ATP6V1B1: variants seen among roughly 807,000 people sequenced by gnomAD.
ATP6V1B1 encodes the protein V-type proton ATPase subunit B, kidney isoform.
In ATP6V1B1, 41 loss-of-function variants were observed where a neutral mutation model predicts 62.1. That is an observed-to-expected ratio of 0.66 (90% CI 0.51 to 0.86). ATP6V1B1 has a LOEUF of 0.86. Ranked by LOEUF, ATP6V1B1 falls within the 40% of genes least tolerant of loss-of-function variation. The pLI, the probability that ATP6V1B1 is intolerant of heterozygous loss-of-function variation, is 0.00. For missense variants in ATP6V1B1, 651 were observed against 697.5 expected (o/e 0.93, Z 0.75); for synonymous variants, 253 against 273.4 (o/e 0.93, Z 0.74).
intron 2 of ATP6V1B1, chr2:70,944,312 T>A: frequency 9.6e-7 from 1 of 1,040,924 alleles, no homozygotes; most frequent in South Asian, 1.4e-5. Context: ...ACTGACAGTA[T>A]CTTGAGTCCT....
intron 1 of ATP6V1B1, 167 bp from the exon 2 acceptor site, chr2:70,943,491 G>A (rs1484646215): frequency 2.2e-5 from 17 of 768,062 alleles, no homozygotes; most frequent in Non-Finnish European, 3.8e-5. Flanking sequence ...GCAGGGGCAT[G>A]ACCCTTACAG....
At chr2:70,941,647 C>G in intron 1 of ATP6V1B1, 2 of 897,432 alleles carry the variant, frequency 2.2e-6, no homozygotes, top group Non-Finnish European at 2.7e-6. Context: ...TTTCATTTGT[C>G]ACTTTCATTT....
At chr2:70,955,645 G>C (rs542137934) in intron 2 of ATP6V1B1, among the ~76,000 whole-genome samples, 1 of 152,126 alleles carries the variant, frequency 6.6e-6, no homozygotes, top group East Asian at 1.9e-4. Flanking sequence ...TCATGTTGCG[G>C]CATCTATCAG....
intron 1 of ATP6V1B1, chr2:70,942,088 G>A: frequency 9.1e-7 from 1 of 1,102,528 alleles, no homozygotes; most frequent in Non-Finnish European, 1.1e-6. Flanking sequence ...GAGAGAGACA[G>A]AGAGAGAGGC....
chr2:70,964,112 GTAT>G (rs1244373448), intron 11 of ATP6V1B1: 2 of 158,356 alleles, frequency 1.3e-5, no homozygotes, highest in African/African-American at 5.4e-5. Context: ...TGCTTGGCAG[GTAT>G]TTTTTTTTTT....
rs782264575 is a variant in ATP6V1B1 at position 70,963,627 on chromosome 2, C to T, written c.1116C>T (p.Tyr372=). 28 of 1,614,172 alleles carry T rather than the reference C, an allele frequency of 1.7e-5. No homozygotes were observed. The East Asian group carries it at 3.8e-4, about 22-fold the overall frequency. Residue 372 remains tyrosine (Y), a synonymous_variant, in exon 11 of 14, where the codon TAC becomes TAT. Transcript: ENST00000234396. The surrounding 1 kb of genome is among the most constrained non-coding windows in gnomAD (Gnocchi z 4.3). The part of the protein sequence containing the change: ...LTGFITEGQI[Y]VDRQLHNRQI... Reference sequence around the variant, plus strand: ...GCTTCATCACAGAGGGACAGATCTACGTGGACAGACAGCTTCACAACAGAC... The same window carrying T: ...GCTTCATCACAGAGGGACAGATCTATGTGGACAGACAGCTTCACAACAGAC...
chr2:70,940,594 G>A (rs1679971049), intron 1 of ATP6V1B1: 3 of 985,282 alleles, frequency 3.0e-6, no homozygotes, highest in South Asian at 4.7e-5. Flanking sequence ...TGATGGGAAG[G>A]GTAATGCCCA....
intron 2 of ATP6V1B1, among the ~76,000 whole-genome samples, chr2:70,948,882 C>T (rs926608546): frequency 1.1e-4 from 16 of 152,108 alleles, no homozygotes; most frequent in Non-Finnish European, 2.2e-4. Flanking sequence ...GCGGAGTGGT[C>T]CCTACTTGGT....
intron 2 of ATP6V1B1, among the ~76,000 whole-genome samples, chr2:70,951,973 T>C (rs2104817959): frequency 6.6e-6 from 1 of 152,352 alleles, no homozygotes; most frequent in Admixed American, 6.5e-5. Flanking sequence ...TTTCTGGTCT[T>C]ACTGTATAAA....
intron 2 of ATP6V1B1, among the ~76,000 whole-genome samples, chr2:70,951,109 A>G (rs1680314905): frequency 6.6e-6 from 1 of 150,866 alleles, no homozygotes; most frequent in South Asian, 2.1e-4. Context: ...CGCCTGGCTA[A>G]TTTTTGTATT....
intron 1 of ATP6V1B1, chr2:70,941,365 C>T (rs948280747): frequency 2.0e-4 from 202 of 985,570 alleles, no homozygotes; most frequent in Non-Finnish European, 2.3e-4. Flanking sequence ...CCCACTGCCC[C>T]TCTTTCTGTT....
intron 12 of ATP6V1B1, 40 bp from the exon 13 acceptor site, chr2:70,964,696 T>C (rs1553420741): frequency 6.2e-7 from 1 of 1,612,820 alleles, no homozygotes; most frequent in Non-Finnish European, 8.5e-7. Context: ...ACTCCCGTGG[T>C]AAGCCCGCAG....
intron 1 of ATP6V1B1, among the ~76,000 whole-genome samples, chr2:70,942,727 A>C (rs1680034836): frequency 6.6e-6 from 1 of 152,138 alleles, no homozygotes; most frequent in Non-Finnish European, 1.5e-5. Flanking sequence ...TCCCCTCTGC[A>C]TCCTGCCAGC....
At chr2:70,942,268 C>T in intron 1 of ATP6V1B1, 2 of 400,186 alleles carry the variant, frequency 5.0e-6, no homozygotes, top group Non-Finnish European at 8.8e-6. Flanking sequence ...GGTTTGAAGG[C>T]AGGGAGCTGA....
chr2:70,939,107 A>G (rs1428038009), intron 1 of ATP6V1B1, among the ~76,000 whole-genome samples: 1 of 152,214 alleles, frequency 6.6e-6, no homozygotes, highest in South Asian at 2.1e-4. Flanking sequence ...GGCCTCACGC[A>G]TGGGCGCCTG....
In ATP6V1B1 at chr2:70,963,221, A is replaced by G. The variant is rs1680633133; in HGVS notation, c.969A>G (p.Thr323=). 4.3e-6 allele frequency: 7 copies of G among 1,613,938 alleles called. No homozygotes were observed. The Admixed American group carries it at 5.0e-5, about 12-fold the overall frequency. ...GAGGGTTTCCTGGATATATGTACAC[A>G]GACCTGGCCACCATCTACGAGCGGG... ...GRRGFPGYMY[T]DLATIYERAG... The change falls in exon 10 of 14, where the codon ACA becomes ACG. Residue 323 remains threonine, a synonymous_variant. Coordinates refer to ENST00000234396, the MANE Select transcript of ATP6V1B1 (RefSeq NM_001692.4). The surrounding 1 kb of genome is among the most constrained non-coding windows in gnomAD (Gnocchi z 4.3).
In ATP6V1B1 at chr2:70,961,533, G is replaced by A. The variant is rs551937171; in HGVS notation, c.688-63G>A. ...CAGGCTTTCCTGAGGACACCTGGGA[G>A]GGGCCAGGCCTTGCCCTCAGGCCAC... On this transcript the variant is annotated intron_variant, in intron 7 of 13. Transcript: ENST00000234396. The A allele has an allele frequency of 5.4e-5, 83 of 1,540,544 alleles. No homozygotes were observed. In the African/African-American group the frequency reaches 9.9e-4, roughly 18 times the overall value.
intron 1 of ATP6V1B1, 46 bp downstream of exon 1, chr2:70,936,118 TG>T (rs1679844905): frequency 1.9e-6 from 3 of 1,562,158 alleles, no homozygotes; most frequent in Non-Finnish European, 1.8e-6. Context: ...GGTGGGGAGC[TG>T]GGGTGGGCTG....
chr2:70,964,476 G>T lies in ATP6V1B1; in HGVS notation c.1182G>T (p.Arg394=). ...PPINVLPSLS[R]LMKSAIGEGM... ...TCAACGTGCTCCCTTCCCTGTCGCG[G>T]CTGATGAAGTCAGCCATTGGGGAAG... The change falls in exon 12 of 14, where the codon CGG becomes CGT. Residue 394 remains arginine (R), a synonymous_variant. Transcript: ENST00000234396. The T allele has an allele frequency of 6.2e-7, 1 of 1,614,110 alleles. No individual in the cohort carries two copies. The highest frequency in any genetic ancestry group is 8.5e-7 in the Non-Finnish European group (1 of 1,180,036).
Sources: gnomAD v4.1 joint callset for allele counts (sites outside exome capture counted in the v4.1 genomes callset) on GRCh38, gnomAD v4.1.1 for gene constraint, Gnocchi (gnomAD v3.1) non-coding constraint, MANE v1.5 for transcripts, NCBI Gene and HGNC (gene_info 2026-07-23, HGNC 2026-07-21) for gene names.